CCSER1: variants seen among roughly 807,000 people sequenced by gnomAD.
The protein encoded by CCSER1 is coiled-coil serine rich protein 1, also known as serine-rich coiled-coil domain-containing protein 1.
Under a neutral mutation model 82.0 loss-of-function variants are expected in CCSER1, and 41 were observed. The observed-to-expected ratio is 0.50, with a 90% confidence interval of 0.39 to 0.65. CCSER1 has a LOEUF of 0.65. Among genes scored for constraint, CCSER1 ranks in the 30% least tolerant of loss-of-function variants. The pLI, the probability that CCSER1 is intolerant of heterozygous loss-of-function variation, is 0.00. For missense variants in CCSER1, 1,119 were observed against 1,064.2 expected (o/e 1.05, Z -0.72); for synonymous variants, 414 against 383.9 (o/e 1.08, Z -0.92).
At chr4:91,417,224 T>A (rs1753419452) in intron 10 of CCSER1, among the ~76,000 whole-genome samples, 1 of 151,852 alleles carries the variant, frequency 6.6e-6, no homozygotes, top group African/African-American at 2.4e-5. Flanking sequence ...CTGGCACAGC[T>A]GTGTAGGAAA....
At chr4:90,969,547 C>G (rs918252895) in intron 9 of CCSER1, among the ~76,000 whole-genome samples, 2 of 151,878 alleles carry the variant, frequency 1.3e-5, no homozygotes, top group Non-Finnish European at 2.9e-5. Flanking sequence ...ACTACACCCA[C>G]AAAAACTGTC....
intron 10 of CCSER1, among the ~76,000 whole-genome samples, chr4:91,275,345 T>C (rs1217597321): frequency 6.6e-6 from 1 of 152,142 alleles, no homozygotes; most frequent in Non-Finnish European, 1.5e-5. Flanking sequence ...TGTTTTTGTC[T>C]TTTTAATAAT....
intron 10 of CCSER1, among the ~76,000 whole-genome samples, chr4:91,395,565 C>T (rs2149354284): frequency 6.6e-6 from 1 of 152,072 alleles, no homozygotes; most frequent in South Asian, 2.1e-4. Flanking sequence ...AGTCCACAGG[C>T]TGAATTATAT....
chr4:90,459,798 C>T (rs1460478248), intron 4 of CCSER1, among the ~76,000 whole-genome samples: 1 of 152,096 alleles, frequency 6.6e-6, no homozygotes, highest in Non-Finnish European at 1.5e-5. Flanking sequence ...TTTATAAATG[C>T]TTATTTCATG....
chr4:91,023,234 A>C (rs1431464916), intron 9 of CCSER1, among the ~76,000 whole-genome samples: 1 of 152,020 alleles, frequency 6.6e-6, no homozygotes, highest in Non-Finnish European at 1.5e-5. Flanking sequence ...ATACTGCCCA[A>C]GGTAATTTAT....
In CCSER1 at chr4:90,883,107, A is replaced by G. The variant is rs1721587826; in HGVS notation, c.2095-40263A>G. Among the ~76,000 whole-genome samples, 4 of 152,006 alleles carry G rather than the reference A, an allele frequency of 2.6e-5. No individual in the cohort carries two copies. The South Asian group carries it at 8.3e-4, about 31-fold the overall frequency. On this transcript the variant is annotated intron_variant, in intron 8 of 10. Coordinates refer to ENST00000509176, the MANE Select transcript of CCSER1 (RefSeq NM_001145065.2). ...TAGTAAGTGGTAAAGCTACAATTTA[A>G]ACCCCTCCAGTATGACTCCTGAACT...
chr4:91,482,993 A>G (rs1758026266), intron 10 of CCSER1, among the ~76,000 whole-genome samples: 1 of 152,104 alleles, frequency 6.6e-6, no homozygotes, highest in African/African-American at 2.4e-5. Context: ...TACCTAATGT[A>G]AATGAGGAGT....
intron 9 of CCSER1, among the ~76,000 whole-genome samples, chr4:90,988,376 C>T (rs1285698001): frequency 8.6e-6 from 1 of 115,974 alleles, no homozygotes; most frequent in Non-Finnish European, 1.8e-5. Context: ...AAGAAAAGAA[C>T]AAGCTTAAAT....
chr4:90,608,895 C>G (rs1497370), intron 5 of CCSER1, among the ~76,000 whole-genome samples: 72,144 of 151,800 alleles, frequency 0.48, 20,194 homozygotes, highest in African/African-American at 0.78. Context: ...AAAGAAAATA[C>G]CTTGCTTTTT....
intron 10 of CCSER1, among the ~76,000 whole-genome samples, chr4:91,333,006 C>G (rs1747065372): frequency 6.6e-6 from 1 of 152,016 alleles, no homozygotes; most frequent in African/African-American, 2.4e-5. Context: ...AAACTTAACT[C>G]TCATGGGAGA....
rs191620374 is a variant in CCSER1, at chr4:90,718,596, A to G, written c.1933-5318A>G. Reference sequence around the variant, plus strand: ...ACAATTTAACATCAGCTTTTCTGGGAGAACTTAATAGATTAAAGATTCTCT... The same window carrying G: ...ACAATTTAACATCAGCTTTTCTGGGGGAACTTAATAGATTAAAGATTCTCT... On this transcript the variant is annotated intron_variant, in intron 6 of 10. Coordinates refer to ENST00000509176, the MANE Select transcript of CCSER1 (RefSeq NM_001145065.2). Among the ~76,000 whole-genome samples, 2 of 152,284 alleles carry G rather than the reference A, an allele frequency of 1.3e-5. 1 individual carries two copies. The highest frequency in any genetic ancestry group is 1.3e-4 in the Admixed American group (2 of 15,292).
chr4:90,202,960 A>AT (rs1738050860), intron 1 of CCSER1, among the ~76,000 whole-genome samples: 1 of 152,172 alleles, frequency 6.6e-6, no homozygotes, highest in Non-Finnish European at 1.5e-5. Flanking sequence ...TGCAATCTGT[A>AT]TTTGATTATC....
At chr4:90,960,714 G>A (rs377765286) in intron 9 of CCSER1, among the ~76,000 whole-genome samples, 40 of 152,176 alleles carry the variant, frequency 2.6e-4, no homozygotes, top group East Asian at 2.5e-3. Context: ...TTATGGAACC[G>A]CTGTACCTGG....
intron 10 of CCSER1, among the ~76,000 whole-genome samples, chr4:91,490,358 T>C (rs1031068036): frequency 6.6e-6 from 1 of 152,074 alleles, no homozygotes; most frequent in Non-Finnish European, 1.5e-5. Context: ...CATCAACAGA[T>C]GGATGAATAA....
At chr4:91,325,959 TAG>T (rs1161359375) in intron 10 of CCSER1, among the ~76,000 whole-genome samples, 4 of 150,440 alleles carry the variant, frequency 2.7e-5, no homozygotes, top group Admixed American at 2.0e-4. Flanking sequence ...TCAAAATTCC[TAG>T]AGTTTTCTTT....
At chr4:91,267,336 T>C (rs912016466) in intron 10 of CCSER1, among the ~76,000 whole-genome samples, 1 of 152,148 alleles carries the variant, frequency 6.6e-6, no homozygotes, top group African/African-American at 2.4e-5. Flanking sequence ...GAAAAGTATA[T>C]CATAATCATA....
rs527562375 is a variant in CCSER1, at chr4:91,159,647, T to C, written c.2217+73653T>C. ...TAAATATTTTCCTTACATTCTTTAG[T>C]AGTTTGTCAGAAAGAATGTGCAGCA... On this transcript the variant is annotated intron_variant, in intron 10 of 10. Transcript: ENST00000509176. 1.5e-3 allele frequency among the ~76,000 whole-genome samples: 235 copies of C among 152,010 alleles called. 4 individuals are homozygous for C. Among genetic ancestry groups the C allele is most frequent in the Non-Finnish European group, 2.7e-3 (183 of 67,902 alleles).
chr4:90,298,589 G>T (rs1041592741), intron 1 of CCSER1, among the ~76,000 whole-genome samples: 1 of 151,954 alleles, frequency 6.6e-6, no homozygotes, highest in Non-Finnish European at 1.5e-5. Flanking sequence ...TGATGTTAGG[G>T]TGTCAATTTT....
intron 9 of CCSER1, among the ~76,000 whole-genome samples, chr4:90,935,675 G>A (rs1018229671): frequency 2.0e-5 from 3 of 152,104 alleles, no homozygotes; most frequent in African/African-American, 4.8e-5. Context: ...TGTAATATAT[G>A]GCCAGGACTA....
Sources: gnomAD v4.1 joint callset for allele counts (sites outside exome capture counted in the v4.1 genomes callset) on GRCh38, gnomAD v4.1.1 for gene constraint, MANE v1.5 for transcripts, NCBI Gene and HGNC (gene_info 2026-07-23, HGNC 2026-07-21) for gene names.